Variants in G3BP2 observed in about 807,000 individuals in gnomAD.
G3BP2 encodes the protein G3BP stress granule assembly factor 2.
A neutral mutation model predicts 56.7 loss-of-function variants in G3BP2; 11 were observed. The ratio of observed to expected loss-of-function variants is 0.19; its 90% CI spans 0.12 to 0.32. The LOEUF is 0.32. Ranked by LOEUF, G3BP2 falls within the 10% of genes least tolerant of loss-of-function variation. G3BP2 has a pLI of 1.00. For missense variants in G3BP2, 340 were observed against 610.9 expected (o/e 0.56, Z 4.67); for synonymous variants, 165 against 191.6 (o/e 0.86, Z 1.15).
At chr4:75,657,496 C>T in intron 4 of G3BP2, 61 bp downstream of exon 4, 1 of 1,266,880 alleles carries the variant, frequency 7.9e-7, no homozygotes, top group South Asian at 1.4e-5. Context: ...GAAGAAACCT[C>T]TGGACACTTC....
intron 3 of G3BP2, among the ~76,000 whole-genome samples, chr4:75,689,108 C>T (rs990411344): frequency 1.3e-5 from 2 of 152,198 alleles, no homozygotes; most frequent in South Asian, 2.1e-4. Flanking sequence ...AAAGGCTGGG[C>T]GTGGAGGCTC....
chr4:75,650,305 A>G (rs1258457289), intron 8 of G3BP2, among the ~76,000 whole-genome samples: 1 of 150,144 alleles, frequency 6.7e-6, no homozygotes, highest in African/African-American at 2.5e-5. Flanking sequence ...GTGGTGGCAC[A>G]TGCCTGTAAT....
chr4:75,686,881 G>C (rs1159507566), intron 3 of G3BP2, among the ~76,000 whole-genome samples: 1 of 152,108 alleles, frequency 6.6e-6, no homozygotes, highest in Non-Finnish European at 1.5e-5. Flanking sequence ...TCCATAAATA[G>C]TCTGCATTTC....
intron 11 of G3BP2, 131 bp from the exon 12 acceptor site, chr4:75,645,833 G>A (rs1014243992): frequency 1.0e-5 from 8 of 765,928 alleles, no homozygotes; most frequent in African/African-American, 1.8e-5. Context: ...CCCAGAGATA[G>A]GGTCTCAGCT....
chr4:75,654,881 G>C, intron 7 of G3BP2, 185 bp downstream of exon 7: 1 of 577,612 alleles, frequency 1.7e-6, no homozygotes, highest in Non-Finnish European at 3.0e-6. Context: ...CACTCTTAGA[G>C]GGGTATTTTG....
chr4:75,716,694 T>C (rs1012997134), intron 3 of G3BP2, among the ~76,000 whole-genome samples: 55 of 152,082 alleles, frequency 3.6e-4, no homozygotes, highest in Admixed American at 7.2e-4. Context: ...TTTGTATTTT[T>C]AGTAGACACG....
intron 3 of G3BP2, among the ~76,000 whole-genome samples, chr4:75,716,737 AC>A (rs1468582698): frequency 6.6e-6 from 1 of 151,170 alleles, no homozygotes; most frequent in Non-Finnish European, 1.5e-5. Context: ...CTGGTCTCGA[AC>A]TCCCAATCTC....
At chr4:75,721,569 T>C (rs1317361569) in intron 2 of G3BP2, among the ~76,000 whole-genome samples, 2 of 152,164 alleles carry the variant, frequency 1.3e-5, no homozygotes, top group African/African-American at 2.4e-5. Flanking sequence ...CTATATACGA[T>C]ACTGAAGGGG....
chr4:75,720,796 AAAATAAAT>A (rs150099549), intron 3 of G3BP2, among the ~76,000 whole-genome samples: 22,918 of 131,868 alleles, frequency 0.17, 2,145 homozygotes, highest in African/African-American at 0.24. Flanking sequence ...GCTCCATCTC[AAAATAAAT>A]AAATAAATAA....
intron 8 of G3BP2, among the ~76,000 whole-genome samples, chr4:75,653,550 G>A (rs1371145150): frequency 6.0e-5 from 8 of 133,552 alleles, no homozygotes; most frequent in East Asian, 2.4e-4. Context: ...CTTAGGCAGC[G>A]TATGTTAAAA....
intron 3 of G3BP2, among the ~76,000 whole-genome samples, chr4:75,678,412 C>T (rs555490553): frequency 1.3e-5 from 2 of 152,232 alleles, no homozygotes; most frequent in Admixed American, 1.3e-4. Flanking sequence ...TTGCCTCAGG[C>T]TCCCAAAGTG....
intron 2 of G3BP2, among the ~76,000 whole-genome samples, chr4:75,721,233 G>A (rs994159043): frequency 4.1e-5 from 6 of 144,696 alleles, no homozygotes; most frequent in Admixed American, 6.9e-5. Flanking sequence ...GAGCCACCTC[G>A]CCCAGCCTCA....
At chr4:75,708,226 T>C (rs1512739) in intron 3 of G3BP2, among the ~76,000 whole-genome samples, 132,807 of 152,142 alleles carry the variant, frequency 0.87, 57,974 homozygotes, top group East Asian at 0.91. Flanking sequence ...ATACCCTTCT[T>C]CCCCACTAGA....
intron 3 of G3BP2, among the ~76,000 whole-genome samples, chr4:75,681,469 T>C (rs1006015091): frequency 6.6e-6 from 1 of 152,162 alleles, no homozygotes; most frequent in Non-Finnish European, 1.5e-5. Context: ...CTATATATAC[T>C]ATGTTTTTTC....
chr4:75,688,744 T>C (rs1718726479), intron 3 of G3BP2, among the ~76,000 whole-genome samples: 1 of 152,234 alleles, frequency 6.6e-6, no homozygotes, highest in African/African-American at 2.4e-5. Flanking sequence ...CAGATTTCTG[T>C]AAAAACTACT....
chr4:75,678,806 A>G (rs1206634506), intron 3 of G3BP2, among the ~76,000 whole-genome samples: 2 of 152,226 alleles, frequency 1.3e-5, no homozygotes, highest in African/African-American at 4.8e-5. Context: ...CAATAATAAT[A>G]TCTACCTTAT....
rs1181594662 is a variant in G3BP2, at chr4:75,645,405, C to T, written c.*25G>A. 3.7e-6 allele frequency: 6 copies of T among 1,602,728 alleles called. No individual in the cohort carries two copies. In the Middle Eastern group the frequency reaches 5.0e-4, roughly 133 times the overall value. The stretch of plus-strand genomic sequence containing the variant: ...AAACACGATGAATAATGTACCACTG[C>T]CAAGACTTTGCCAACAGTGGAGCTT... On this transcript the variant is annotated 3_prime_UTR_variant, in exon 12 of 12. Transcript: ENST00000359707.
At chr4:75,668,860 A>C (rs535400698) in intron 1 of G3BP2, among the ~76,000 whole-genome samples, 1 of 152,242 alleles carries the variant, frequency 6.6e-6, no homozygotes, top group East Asian at 1.9e-4. Context: ...CTCTTAAAGC[A>C]CTTTTGGCCT....
intron 3 of G3BP2, among the ~76,000 whole-genome samples, chr4:75,698,496 C>T (rs1719213482): frequency 6.6e-6 from 1 of 152,134 alleles, no homozygotes; most frequent in South Asian, 2.1e-4. Flanking sequence ...TGCCTACTGA[C>T]TTCCAGTGGG....
Sources: allele counts gnomAD v4.1 joint callset (sites outside exome capture counted in the v4.1 genomes callset), GRCh38; gene constraint gnomAD v4.1.1; transcripts MANE v1.5; gene names NCBI Gene and HGNC (gene_info 2026-07-23, HGNC 2026-07-21).